The following XKR4 variants were observed in gnomAD, a reference collection of about 807,000 sequenced individuals.
XKR4 encodes the protein XK related 4.
Under a neutral mutation model 53.9 loss-of-function variants are expected in XKR4, and 12 were observed. The observed-to-expected ratio is 0.22, with a 90% CI of 0.14 to 0.36. XKR4 has a LOEUF of 0.36. Among genes scored for constraint, XKR4 ranks in the 10% least tolerant of loss-of-function variants. The pLI is 1.00. For synonymous variants in XKR4, 354 were observed against 362.4 expected, an observed-to-expected ratio of 0.98 and a Z score of 0.26; for missense variants, 799 against 859.5, an observed-to-expected ratio of 0.93 and a Z score of 0.88.
intron 1 of XKR4, among the ~76,000 whole-genome samples, chr8:55,240,243 G>A (rs1033747902): frequency 4.6e-5 from 7 of 151,900 alleles, no homozygotes; most frequent in Non-Finnish European, 1.0e-4. Context: ...AATAGTAAAA[G>A]GATATATTTA....
intron 1 of XKR4, among the ~76,000 whole-genome samples, chr8:55,269,910 G>C (rs1818662427): frequency 6.6e-6 from 1 of 152,180 alleles, no homozygotes; most frequent in Non-Finnish European, 1.5e-5. Flanking sequence ...CAGTAAATAA[G>C]TTCAGAATAG....
chr8:55,386,878 T>G (rs1336110305), intron 2 of XKR4, among the ~76,000 whole-genome samples: 2 of 152,244 alleles, frequency 1.3e-5, no homozygotes, highest in Non-Finnish European at 2.9e-5. Flanking sequence ...AGTCCCTCAC[T>G]TCTAAAAAAT....
chr8:55,471,185 C>T (rs1002943309), intron 2 of XKR4, among the ~76,000 whole-genome samples: 4 of 152,192 alleles, frequency 2.6e-5, no homozygotes, highest in Admixed American at 1.3e-4. Context: ...TTGGACAGTA[C>T]ATGTGAACAG....
chr8:55,247,863 T>C (rs111655222), intron 1 of XKR4, among the ~76,000 whole-genome samples: 146 of 23,588 alleles, frequency 6.2e-3, no homozygotes, highest in Non-Finnish European at 0.018. Context: ...TTCTTTTTTT[T>C]TTTTTTTTTT....
At chr8:55,442,227 G>A (rs1805280091) in intron 2 of XKR4, among the ~76,000 whole-genome samples, 1 of 152,036 alleles carries the variant, frequency 6.6e-6, no homozygotes, top group Non-Finnish European at 1.5e-5. Context: ...TGGTTGAATT[G>A]GACAAAGTTC....
chr8:55,466,071 C>T (rs1486190089), intron 2 of XKR4, among the ~76,000 whole-genome samples: 1,614 of 152,174 alleles, frequency 0.011, 34 homozygotes, highest in African/African-American at 0.038. Context: ...TTGTGGAAGT[C>T]AGTGTGGCGA....
In XKR4 at chr8:55,232,688, A is replaced by T. The variant is rs141880418; in HGVS notation, c.807-124990A>T. On this transcript the variant is annotated intron_variant, in intron 1 of 2. Transcript: ENST00000327381. Reference sequence around the variant, plus strand: ...AAATTACTCATGAGCTAAATAAAAAATAACAATTATAATGTATCAAACTCT... The same window carrying T: ...AAATTACTCATGAGCTAAATAAAAATTAACAATTATAATGTATCAAACTCT... Among the ~76,000 whole-genome samples the T allele has an allele frequency of 2.3e-3, 346 of 152,344 alleles. 1 individual carries two copies. The highest frequency in any genetic ancestry group is 7.8e-3 in the African/African-American group (324 of 41,586).
intron 2 of XKR4, among the ~76,000 whole-genome samples, chr8:55,401,271 T>C (rs1428757463): frequency 5.3e-5 from 8 of 152,234 alleles, no homozygotes; most frequent in South Asian, 2.1e-4. Flanking sequence ...CCCTTTGTGA[T>C]TGAAATGGTC....
intron 1 of XKR4, among the ~76,000 whole-genome samples, chr8:55,322,140 T>C (rs1803225472): frequency 1.3e-5 from 2 of 152,242 alleles, no homozygotes. Flanking sequence ...TCTTTATAGG[T>C]TTACCACATG....
At chr8:55,501,842 G>A (rs1351094810) in intron 2 of XKR4, among the ~76,000 whole-genome samples, 1 of 152,120 alleles carries the variant, frequency 6.6e-6, no homozygotes, top group East Asian at 1.9e-4. Flanking sequence ...TGGGTATACA[G>A]TCATCCCTCA....
chr8:55,382,571 A>G (rs935283638), intron 2 of XKR4, among the ~76,000 whole-genome samples: 19 of 152,190 alleles, frequency 1.2e-4, no homozygotes, highest in Non-Finnish European at 2.2e-4. Flanking sequence ...TAAAAAGTTC[A>G]GATCTTTGAT....
At chr8:55,228,826 T>A (rs114109930) in intron 1 of XKR4, among the ~76,000 whole-genome samples, 5,084 of 114,628 alleles carry the variant, frequency 0.044, 279 homozygotes, top group African/African-American at 0.15. Context: ...TTGAAATGTA[T>A]GTATATGTGT....
intron 2 of XKR4, chr8:55,454,765 A>T: frequency 1.3e-6 from 1 of 780,090 alleles, no homozygotes; most frequent in Middle Eastern, 2.3e-4. Flanking sequence ...CGACACAGGT[A>T]CCAGCGTCTT....
chr8:55,344,305 C>G (rs1172128425), intron 1 of XKR4, among the ~76,000 whole-genome samples: 1 of 152,228 alleles, frequency 6.6e-6, no homozygotes, highest in Non-Finnish European at 1.5e-5. Flanking sequence ...GAATGAACCA[C>G]TGCACAAACA....
chr8:55,141,633 T>C (rs1036665723), intron 1 of XKR4, among the ~76,000 whole-genome samples: 4 of 96,938 alleles, frequency 4.1e-5, no homozygotes, highest in African/African-American at 1.2e-4. Flanking sequence ...CTGTCTCTCT[T>C]GGTGCTTCTG....
At chr8:55,233,692 A>G (rs1161583731) in intron 1 of XKR4, among the ~76,000 whole-genome samples, 1 of 152,262 alleles carries the variant, frequency 6.6e-6, no homozygotes, top group Non-Finnish European at 1.5e-5. Flanking sequence ...CTGTGATTTT[A>G]AGGAAAATGC....
rs537753134 is a variant in XKR4 at position 55,215,562 on chromosome 8, T to C, written c.806+112268T>C. Among the ~76,000 whole-genome samples the C allele has an allele frequency of 6.0e-4, 91 of 152,312 alleles. 3 individuals carry two copies. Among genetic ancestry groups the C allele is most frequent in the African/African-American group, 2.2e-3 (91 of 41,570 alleles). ...TCTTTAGAACACAAGAATAATTTAA[T>C]GTTAGAAAACCTATAAATGTATTTC... On this transcript the variant is annotated intron_variant, in intron 1 of 2. Coordinates refer to ENST00000327381, the MANE Select transcript of XKR4 (RefSeq NM_052898.2).
chr8:55,289,597 GAAAGAAAGAA>G lies in XKR4; in HGVS notation c.807-68079_807-68070del, dbSNP rs776960899. On this transcript the variant is annotated intron_variant, in intron 1 of 2. Transcript: ENST00000327381. ...AGAGAAAGGAAGAAAGAAAGAGAAA[GAAAGAAAGAA>G]AGAAAGAAAGAAAGAAAGAAAGAAA... 8.7e-5 allele frequency among the ~76,000 whole-genome samples: 6 copies of G among 68,810 alleles called. 1 individual carries two copies. Among genetic ancestry groups the G allele is most frequent in the Non-Finnish European group, 1.7e-4 (6 of 35,872 alleles). 45.1% of individuals were successfully genotyped at this position (68,810 alleles called of 152,430 possible). A position where few individuals can be genotyped will look rare whatever the true frequency, so the allele number is the denominator to read the frequency against.
intron 1 of XKR4, among the ~76,000 whole-genome samples, chr8:55,324,095 T>C (rs1803257794): frequency 6.6e-6 from 1 of 152,220 alleles, no homozygotes; most frequent in Non-Finnish European, 1.5e-5. Flanking sequence ...AGGGTTGACA[T>C]TTTTTATTGT....
Sources: gnomAD v4.1 joint callset for allele counts (sites outside exome capture counted in the v4.1 genomes callset) on GRCh38, gnomAD v4.1.1 for gene constraint, MANE v1.5 for transcripts, NCBI Gene and HGNC (gene_info 2026-07-23, HGNC 2026-07-21) for gene names.